RORA: variants seen among roughly 807,000 people sequenced by gnomAD.
RORA encodes nuclear receptor ROR-alpha.
A neutral mutation model predicts 69.5 loss-of-function variants in RORA; 7 were observed. The observed-to-expected ratio is 0.10, with a 90% CI of 0.06 to 0.19. RORA has a LOEUF of 0.19. Ranked by LOEUF, RORA falls within the 10% of genes least tolerant of loss-of-function variation. The pLI is 1.00. For missense variants in RORA, 457 were observed against 663.0 expected (o/e 0.69, Z 3.41); for synonymous variants, 261 against 240.8 (o/e 1.08, Z -0.78).
chr15:60,806,530 G>A (rs375685003), intron 1 of RORA, among the ~76,000 whole-genome samples: 13 of 152,320 alleles, frequency 8.5e-5, no homozygotes, highest in African/African-American at 3.1e-4. Flanking sequence ...CTCCCAGGGA[G>A]TTGCAGTGGT....
chr15:60,635,223 T>C (rs1367065100), intron 2 of RORA, among the ~76,000 whole-genome samples: 2 of 152,246 alleles, frequency 1.3e-5, no homozygotes, highest in Non-Finnish European at 2.9e-5. Context: ...CATATATTTC[T>C]CTTCCTAACC....
In RORA at chr15:60,851,845, C is replaced by A. The variant is rs1392388882; in HGVS notation, c.167-173159G>T. On this transcript the variant is annotated intron_variant, in intron 1 of 10. Transcript: ENST00000335670. ...GTCAAAAAGCTTACTCTACCAATGA[C>A]GTAAGTTCTGAGAACTTTTCTTCCG... 3.3e-5 allele frequency among the ~76,000 whole-genome samples: 5 copies of A among 151,890 alleles called. No homozygotes were observed. In the East Asian group the frequency reaches 9.7e-4, roughly 29 times the overall value.
At chr15:60,880,826 TCTGAC>T (rs1262552427) in intron 1 of RORA, among the ~76,000 whole-genome samples, 8 of 152,206 alleles carry the variant, frequency 5.3e-5, no homozygotes, top group Admixed American at 1.3e-4. Flanking sequence ...TTAATACGTG[TCTGAC>T]CTGAGAAAGC....
At chr15:61,042,724 C>T (rs1018163685) in intron 1 of RORA, among the ~76,000 whole-genome samples, 3 of 152,350 alleles carry the variant, frequency 2.0e-5, no homozygotes, top group Non-Finnish European at 1.5e-5. Context: ...CTCGGGACCT[C>T]GTCCCTCCAT....
chr15:61,173,167 A>G (rs2079600277), intron 1 of RORA, among the ~76,000 whole-genome samples: 1 of 152,112 alleles, frequency 6.6e-6, no homozygotes, highest in African/African-American at 2.4e-5. Flanking sequence ...TCTCAATCCT[A>G]TGAGCTGGGT....
intron 1 of RORA, among the ~76,000 whole-genome samples, chr15:60,735,305 T>C (rs533884536): frequency 3.0e-4 from 45 of 152,322 alleles, no homozygotes; most frequent in African/African-American, 8.4e-4. Context: ...TAACTAAACA[T>C]AGCTGCTGTA....
intron 1 of RORA, among the ~76,000 whole-genome samples, chr15:61,113,712 C>T (rs910816216): frequency 2.0e-5 from 3 of 152,102 alleles, no homozygotes; most frequent in Admixed American, 2.0e-4. Flanking sequence ...TGCACACATG[C>T]GGATATATAC....
At chr15:60,566,180 A>G (rs1258790416) in intron 2 of RORA, among the ~76,000 whole-genome samples, 2 of 152,190 alleles carry the variant, frequency 1.3e-5, no homozygotes, top group Non-Finnish European at 2.9e-5. Flanking sequence ...ATCCACTTCA[A>G]GTTCAAAGAA....
At chr15:60,829,966 C>A (rs373179289) in intron 1 of RORA, among the ~76,000 whole-genome samples, 1 of 152,256 alleles carries the variant, frequency 6.6e-6, no homozygotes, top group Non-Finnish European at 1.5e-5. Context: ...GGGAGCACAA[C>A]AAATAGCTCT....
In RORA at chr15:61,047,598, TAAAACA is replaced by T. The variant is rs3985702; in HGVS notation, c.166+181449_166+181454del. On this transcript the variant is annotated intron_variant, in intron 1 of 10. Coordinates refer to ENST00000335670, the MANE Select transcript of RORA (RefSeq NM_134261.3). ...ATCAGGATAAAGGTGTCGAGAATGG[TAAAACA>T]AAAACAAAAACAAAAACAAAATTCA... Among the ~76,000 whole-genome samples, 1,112 of 151,588 alleles carry T rather than the reference TAAAACA, an allele frequency of 7.3e-3. 5 individuals are homozygous for T. The highest frequency in any genetic ancestry group is 0.018 in the Admixed American group (272 of 15,244).
chr15:60,839,669 C>T (rs1432741665), intron 1 of RORA, among the ~76,000 whole-genome samples: 1 of 152,150 alleles, frequency 6.6e-6, no homozygotes, highest in Non-Finnish European at 1.5e-5. Flanking sequence ...CAGAGAGCAC[C>T]ATTGTATTCC....
intron 1 of RORA, among the ~76,000 whole-genome samples, chr15:61,074,362 A>G (rs1282792763): frequency 1.3e-5 from 2 of 152,222 alleles, no homozygotes; most frequent in Admixed American, 1.3e-4. Flanking sequence ...ATAATTTAAA[A>G]ACATACAAGC....
At chr15:61,046,345 C>T (rs184053260) in intron 1 of RORA, among the ~76,000 whole-genome samples, 22 of 152,332 alleles carry the variant, frequency 1.4e-4, no homozygotes, top group Middle Eastern at 6.8e-3. Flanking sequence ...TCAGCTCTTT[C>T]TCAGCTTTGA....
chr15:60,746,006 C>G (rs965976919), intron 1 of RORA, among the ~76,000 whole-genome samples: 1 of 152,144 alleles, frequency 6.6e-6, no homozygotes, highest in East Asian at 1.9e-4. Context: ...ATCTGGAAGG[C>G]TTTTAAATAA....
intron 1 of RORA, among the ~76,000 whole-genome samples, chr15:60,857,367 T>A (rs1220614803): frequency 6.6e-6 from 1 of 151,760 alleles, no homozygotes; most frequent in East Asian, 1.9e-4. Context: ...ACTGAAATGA[T>A]CTTTGCTCAT....
chr15:61,158,954 T>C (rs541018424), intron 1 of RORA, among the ~76,000 whole-genome samples: 1 of 152,326 alleles, frequency 6.6e-6, no homozygotes, highest in African/African-American at 2.4e-5. Flanking sequence ...GAAGTACACA[T>C]TCATGATGTG....
intron 1 of RORA, among the ~76,000 whole-genome samples, chr15:60,838,889 T>C (rs3985703): frequency 0.12 from 3,607 of 30,818 alleles, 66 homozygotes; most frequent in Non-Finnish European, 0.17. Flanking sequence ...CACACACACA[T>C]ATACTTTTTT....
intron 1 of RORA, among the ~76,000 whole-genome samples, chr15:60,721,245 G>GCCGGGCGGGGAGAGCAGT (rs1312763395): frequency 6.6e-6 from 1 of 152,174 alleles, no homozygotes; most frequent in Non-Finnish European, 1.5e-5. Flanking sequence ...TGCACCAATT[G>GCCGGGCGGGGAGAGCAGT]CCGGGCGGGG....
chr15:60,751,906 CT>C (rs2071728189), intron 1 of RORA, among the ~76,000 whole-genome samples: 1 of 152,160 alleles, frequency 6.6e-6, no homozygotes, highest in South Asian at 2.1e-4. Context: ...TTTCTCACCC[CT>C]ATGACTCCAT....
Sources: allele counts gnomAD v4.1 joint callset (sites outside exome capture counted in the v4.1 genomes callset), GRCh38; gene constraint gnomAD v4.1.1; transcripts MANE v1.5; gene names NCBI Gene and HGNC (gene_info 2026-07-23, HGNC 2026-07-21).